SELP: variants seen among roughly 807,000 people sequenced by gnomAD.
SELP encodes P-selectin.
Under a neutral mutation model 104.1 loss-of-function variants are expected in SELP, and 92 were observed. The ratio of observed to expected loss-of-function variants is 0.88; its 90% confidence interval spans 0.75 to 1.05. The LOEUF (loss-of-function observed/expected upper bound fraction) is 1.05, where lower values mean the gene tolerates loss of function less well. Ranked by LOEUF, SELP falls within the 50% of genes least tolerant of loss-of-function variation. The pLI is 0.00. For synonymous variants in SELP, 397 were observed against 364.5 expected (o/e 1.09, Z -1.01); for missense variants, 1,022 against 1,017.3 (o/e 1.00, Z -0.06).
Position 169,617,084 on chromosome 1 carries a change from G to A in SELP, c.425C>T (p.Pro142Leu), listed in dbSNP as rs1335088167. ...GCAGTGCTCATCATTCCACTTGCCA[G>A]GGGCTGACGGACTCTTGATGTATAT... Reference protein sequence around the residue: ...VEIYIKSPSAPGKWNDEHCLK... With the variant: ...VEIYIKSPSALGKWNDEHCLK... The change falls in exon 3 of 17, where the codon CCT (proline) becomes CTT (leucine). Residue 142 changes from proline (P) to leucine (L), a missense_variant. Coordinates refer to ENST00000263686, the MANE Select transcript of SELP (RefSeq NM_003005.4). 35 of 1,613,784 alleles carry A rather than the reference G, an allele frequency of 2.2e-5. No individual in the cohort carries two copies. The highest frequency in any genetic ancestry group is 2.8e-5 in the Non-Finnish European group (33 of 1,179,970).
chr1:169,608,473 A>G (rs1007155228), intron 8 of SELP, among the ~76,000 whole-genome samples: 2 of 152,148 alleles, frequency 1.3e-5, no homozygotes, highest in African/African-American at 4.8e-5. Context: ...TTGTCCTTTC[A>G]TAGTGGCTTA....
chr1:169,595,944 T>C lies in SELP; in HGVS notation c.2082A>G (p.Ala694=), dbSNP rs544580137. The change falls in exon 12 of 17, where the codon GCA becomes GCG. Residue 694 remains alanine, a synonymous_variant. Transcript: ENST00000263686. The stretch of plus-strand genomic sequence containing the variant: ...CCTTACCTCTGCATGCTGGAGTTAC[T>C]GCTGTCCATTGTCCTGAAGGTCTGC... The part of the protein sequence containing the change: ...LSCRPSGQWT[A]VTPACRAVKC... 2.5e-6 allele frequency: 4 copies of C among 1,613,724 alleles called. No individual in the cohort carries two copies. The Admixed American group carries it at 5.0e-5, about 20-fold the overall frequency.
chr1:169,623,557 G>A (rs770128003), intron 1 of SELP, among the ~76,000 whole-genome samples: 23 of 152,164 alleles, frequency 1.5e-4, no homozygotes, highest in African/African-American at 2.7e-4. Context: ...GAGAGAGAGC[G>A]AGACAACTTG....
chr1:169,602,338 C>T (rs1229812157), intron 10 of SELP, among the ~76,000 whole-genome samples: 1 of 152,158 alleles, frequency 6.6e-6, no homozygotes, highest in African/African-American at 2.4e-5. Flanking sequence ...TAAATAAGGT[C>T]TGTGGCTGGG....
intron 16 of SELP, 155 bp from the exon 17 acceptor site, chr1:169,589,616 TAAAAG>T (rs1661246236): frequency 6.6e-6 from 1 of 152,126 alleles, no homozygotes; most frequent in South Asian, 2.1e-4. Context: ...CTTAAAAAAA[TAAAAG>T]AAAGAAAAAA....
In SELP at chr1:169,617,015, G is replaced by C. The variant is rs891948295; in HGVS notation, c.481+13C>G. 1.9e-6 allele frequency: 3 copies of C among 1,550,008 alleles called. No homozygotes were observed. The highest frequency in any genetic ancestry group is 2.8e-5 in the African/African-American group (2 of 71,956). Reference sequence around the variant, plus strand: ...TTTTTAACAGGAAAGTTTCAAAGTAGAGAAGGCCCTACCTGTGTAACACAA... The same window carrying C: ...TTTTTAACAGGAAAGTTTCAAAGTACAGAAGGCCCTACCTGTGTAACACAA... On this transcript the variant is annotated intron_variant, in intron 3 of 16. Transcript: ENST00000263686.
At position 169,613,673 on chromosome 1, in the gene SELP, A is replaced by G; in HGVS notation, c.502T>C (p.Cys168Arg). Reference protein sequence around the residue: ...CYTASCQDMSCSKQGECLETI... With the variant: ...CYTASCQDMSRSKQGECLETI... Reference sequence around the variant, plus strand: ...TCGAGGCACTCTCCTTGTTTGCTGCAGGACATGTCCTGGCAGGAGGCTGCA... The same window carrying G: ...TCGAGGCACTCTCCTTGTTTGCTGCGGGACATGTCCTGGCAGGAGGCTGCA... Residue 168 changes from cysteine to arginine, a missense_variant, in exon 4 of 17, where the codon TGC (cysteine) becomes CGC (arginine). Physicochemically the swap from Cys to Arg is radical, Grantham distance 180 (BLOSUM62 -3). Coordinates refer to ENST00000263686, the MANE Select transcript of SELP (RefSeq NM_003005.4). 1 of 1,613,938 alleles carries G rather than the reference A, an allele frequency of 6.2e-7. No homozygotes were observed. Among genetic ancestry groups the G allele is most frequent in the Non-Finnish European group, 8.5e-7 (1 of 1,179,814 alleles).
At chr1:169,620,931 A>G (rs528195490) in intron 1 of SELP, among the ~76,000 whole-genome samples, 66 of 121,138 alleles carry the variant, frequency 5.4e-4, no homozygotes, top group South Asian at 1.4e-3. Flanking sequence ...TGTAGGGTGC[A>G]TGGGACAGTG....
intron 3 of SELP, among the ~76,000 whole-genome samples, chr1:169,615,963 C>T (rs1419462773): frequency 6.6e-6 from 1 of 152,142 alleles, no homozygotes; most frequent in Non-Finnish European, 1.5e-5. Context: ...CTGCTCGGGG[C>T]AGTCCATACC....
chr1:169,623,643 C>T (rs1040153463), intron 1 of SELP, among the ~76,000 whole-genome samples: 14 of 152,172 alleles, frequency 9.2e-5, no homozygotes, highest in African/African-American at 3.4e-4. Context: ...AAGGAAAATG[C>T]AAGTCAGTGT....
At chr1:169,614,516 C>T (rs1662714517) in intron 3 of SELP, among the ~76,000 whole-genome samples, 1 of 152,186 alleles carries the variant, frequency 6.6e-6, no homozygotes, top group African/African-American at 2.4e-5. Context: ...TTTCAAAGCA[C>T]TGAGATGTTT....
chr1:169,614,761 G>A (rs958877927), intron 3 of SELP, among the ~76,000 whole-genome samples: 11 of 152,122 alleles, frequency 7.2e-5, no homozygotes, highest in African/African-American at 2.4e-4. Flanking sequence ...AGTTCCTGTG[G>A]CAGCCAGTGA....
intron 3 of SELP, among the ~76,000 whole-genome samples, chr1:169,614,208 C>A (rs1662698598): frequency 6.6e-6 from 1 of 152,226 alleles, no homozygotes; most frequent in African/African-American, 2.4e-5. Context: ...AGCCCAAACC[C>A]TTTCACCTTT....
chr1:169,612,676 A>C (rs1365008046), intron 5 of SELP, among the ~76,000 whole-genome samples: 3 of 152,196 alleles, frequency 2.0e-5, no homozygotes, highest in African/African-American at 7.2e-5. Flanking sequence ...ACAAAGGGAA[A>C]GAGGGGTCCC....
chr1:169,629,524 A>T (rs1212702325), intron 1 of SELP, among the ~76,000 whole-genome samples: 2 of 152,272 alleles, frequency 1.3e-5, no homozygotes, highest in Admixed American at 6.5e-5. Flanking sequence ...AGAAAAGGAA[A>T]CTATGTGGAT....
At position 169,593,733 on chromosome 1, in the gene SELP, C is replaced by A. The variant is rs761560355; in HGVS notation, c.2288-9G>T. ...GATAGTCAATGGTCCTGCTACAAAA[C>A]AAACACACACACATGCAAGACATAA... On this transcript the variant is annotated splice_polypyrimidine_tract_variant and intron_variant, in intron 13 of 16. Transcript: ENST00000263686. 1.2e-6 allele frequency: 2 copies of A among 1,613,056 alleles called. No homozygotes were observed. Among genetic ancestry groups the A allele is most frequent in the South Asian group, 1.1e-5 (1 of 91,032 alleles).
At chr1:169,616,191 A>G (rs1468230202) in intron 3 of SELP, among the ~76,000 whole-genome samples, 1 of 151,948 alleles carries the variant, frequency 6.6e-6, no homozygotes, top group Non-Finnish European at 1.5e-5. Context: ...TTTCCTGCCC[A>G]CTCCCCACCA....
At chr1:169,613,840 AC>A (rs1193547235) in intron 3 of SELP, 147 bp from the exon 4 acceptor site, 4 of 648,878 alleles carry the variant, frequency 6.2e-6, no homozygotes, top group Non-Finnish European at 8.3e-6. Flanking sequence ...TAGAGAGCCA[AC>A]CTGTCCCTTG....
Position 169,610,332 on chromosome 1 carries a change from A to T in SELP, c.1148-643T>A, listed in dbSNP as rs3917737. ...TGAGTGCAGCCAAAGTGAATTCCTG[A>T]GCACAATTAAGCCCTGAGTGACCTC... On this transcript the variant is annotated intron_variant, in intron 7 of 16. Coordinates refer to ENST00000263686, the MANE Select transcript of SELP (RefSeq NM_003005.4). Among the ~76,000 whole-genome samples, 969 of 152,254 alleles carry T rather than the reference A, an allele frequency of 6.4e-3. 16 individuals carry two copies. The highest frequency in any genetic ancestry group is 0.023 in the African/African-American group (934 of 41,502).
Sources: gnomAD v4.1 joint callset for allele counts (sites outside exome capture counted in the v4.1 genomes callset) on GRCh38, gnomAD v4.1.1 for gene constraint, MANE v1.5 for transcripts, NCBI Gene and HGNC (gene_info 2026-07-23, HGNC 2026-07-21) for gene names.